LEMD3: variants seen among roughly 807,000 people sequenced by gnomAD.
The protein encoded by LEMD3 is inner nuclear membrane protein Man1.
A neutral mutation model predicts 95.2 loss-of-function variants in LEMD3; 33 were observed. The ratio of observed to expected loss-of-function variants is 0.35; its 90% CI spans 0.26 to 0.46. The LOEUF (loss-of-function observed/expected upper bound fraction) is 0.46, where lower values mean the gene tolerates loss of function less well. LEMD3 is among the 20% of genes least tolerant of loss of function. The pLI, the probability that LEMD3 is intolerant of heterozygous loss-of-function variation, is 1.00. For synonymous variants in LEMD3, 525 were observed against 474.6 expected (o/e 1.11, Z -1.38); for missense variants, 1,210 against 1,192.8 (o/e 1.01, Z -0.21).
At chr12:65,188,096 A>G (rs545914260) in intron 1 of LEMD3, among the ~76,000 whole-genome samples, 7 of 152,254 alleles carry the variant, frequency 4.6e-5, no homozygotes, top group Non-Finnish European at 8.8e-5. Context: ...GGTTTTTGAA[A>G]TCAGAGAATA....
chr12:65,175,447 TA>T (rs1868688073), intron 1 of LEMD3, among the ~76,000 whole-genome samples: 1 of 152,218 alleles, frequency 6.6e-6, no homozygotes, highest in Admixed American at 6.5e-5. Flanking sequence ...CAACCCTGTC[TA>T]GTTTAGCTTT....
chr12:65,177,442 C>A (rs191075704), intron 1 of LEMD3, among the ~76,000 whole-genome samples: 19 of 152,132 alleles, frequency 1.2e-4, no homozygotes, highest in African/African-American at 4.6e-4. Flanking sequence ...ATGATAATAT[C>A]ATTGGAGGAA....
At chr12:65,190,594 T>A (rs1186733201) in intron 1 of LEMD3, among the ~76,000 whole-genome samples, 2 of 152,146 alleles carry the variant, frequency 1.3e-5, no homozygotes, top group Non-Finnish European at 2.9e-5. Context: ...TTCCCCATCT[T>A]CCAGATCGAA....
intron 6 of LEMD3, 112 bp from the exon 7 acceptor site, chr12:65,239,817 C>A: frequency 1.4e-6 from 1 of 698,830 alleles, no homozygotes; most frequent in Non-Finnish European, 2.5e-6. Context: ...ATAGCTAATT[C>A]AGCCATCTGT....
intron 1 of LEMD3, among the ~76,000 whole-genome samples, chr12:65,193,014 T>G (rs771839341): frequency 3.9e-5 from 6 of 152,196 alleles, no homozygotes; most frequent in East Asian, 1.9e-4. Flanking sequence ...TACATGTTTT[T>G]TTTGTTTGTT....
Position 65,193,813 on chromosome 12 carries a change from C to G in LEMD3, c.1523-17113C>G, listed in dbSNP as rs151005004. Reference sequence around the variant, plus strand: ...CCTCTCCTGCCCTGCTTATACCTGACTAGCTACCTACTGTAACAAGGCACT... The same window carrying G: ...CCTCTCCTGCCCTGCTTATACCTGAGTAGCTACCTACTGTAACAAGGCACT... On this transcript the variant is annotated intron_variant, in intron 1 of 12. Coordinates refer to ENST00000308330, the MANE Select transcript of LEMD3 (RefSeq NM_014319.5). Among the ~76,000 whole-genome samples, 241 of 150,512 alleles carry G rather than the reference C, an allele frequency of 1.6e-3. 1 individual carries two copies. Among genetic ancestry groups the G allele is most frequent in the African/African-American group, 5.8e-3 (236 of 40,880 alleles).
intron 4 of LEMD3, among the ~76,000 whole-genome samples, chr12:65,220,886 G>T (rs11175685): frequency 0.021 from 3,199 of 152,188 alleles, 127 homozygotes; most frequent in African/African-American, 0.074. Flanking sequence ...ATACATCAGT[G>T]GCTTTATTTC....
chr12:65,209,899 G>A (rs878939772), intron 1 of LEMD3, among the ~76,000 whole-genome samples: 1 of 152,014 alleles, frequency 6.6e-6, no homozygotes, highest in Admixed American at 6.6e-5. Flanking sequence ...TGGTCAGTGT[G>A]AACTACTTTG....
chr12:65,220,441 G>A (rs1041440496), intron 4 of LEMD3, among the ~76,000 whole-genome samples: 6 of 151,996 alleles, frequency 3.9e-5, no homozygotes, highest in African/African-American at 1.5e-4. Flanking sequence ...TGAATTGTGG[G>A]GGTTTCTTAT....
At position 65,223,122 on chromosome 12, in the gene LEMD3, G is replaced by T. The variant is rs182450491; in HGVS notation, c.1695+4503G>T. Among the ~76,000 whole-genome samples the T allele has an allele frequency of 1.7e-3, 263 of 152,030 alleles. 1 individual carries two copies. The highest frequency in any genetic ancestry group is 3.4e-3 in the Middle Eastern group (1 of 294). Reference sequence around the variant, plus strand: ...ATGTGTATTCTACTCCTGTTGGGTGGAATTTTCTGTATATTTCTGTTAGAT... The same window carrying T: ...ATGTGTATTCTACTCCTGTTGGGTGTAATTTTCTGTATATTTCTGTTAGAT... On this transcript the variant is annotated intron_variant, in intron 4 of 12. Transcript: ENST00000308330.
chr12:65,183,282 G>C (rs990553317), intron 1 of LEMD3, among the ~76,000 whole-genome samples: 3 of 151,976 alleles, frequency 2.0e-5, no homozygotes, highest in Admixed American at 6.6e-5. Context: ...TTTGAATTAA[G>C]GCTTTAGAAT....
At chr12:65,194,206 G>T (rs1346080923) in intron 1 of LEMD3, among the ~76,000 whole-genome samples, 1 of 152,130 alleles carries the variant, frequency 6.6e-6, no homozygotes, top group Non-Finnish European at 1.5e-5. Context: ...AGTTGGCCTT[G>T]TACATACAAA....
At chr12:65,228,055 G>T (rs1870509055) in intron 4 of LEMD3, among the ~76,000 whole-genome samples, 1 of 152,120 alleles carries the variant, frequency 6.6e-6, no homozygotes, top group Admixed American at 6.5e-5. Flanking sequence ...GGACAAGATA[G>T]GACCTGACCA....
At chr12:65,226,274 T>G (rs1440376109) in intron 4 of LEMD3, among the ~76,000 whole-genome samples, 1 of 152,210 alleles carries the variant, frequency 6.6e-6, no homozygotes, top group Non-Finnish European at 1.5e-5. Flanking sequence ...TCCTCTCTAT[T>G]GCACTGCCCT....
chr12:65,232,207 G>A (rs1231458885), intron 4 of LEMD3, among the ~76,000 whole-genome samples: 1 of 152,076 alleles, frequency 6.6e-6, no homozygotes, highest in Non-Finnish European at 1.5e-5. Flanking sequence ...CATAAATATG[G>A]AGGAAACTCA....
intron 1 of LEMD3, among the ~76,000 whole-genome samples, chr12:65,185,097 C>T (rs1869020155): frequency 6.6e-6 from 1 of 152,062 alleles, no homozygotes; most frequent in Admixed American, 6.6e-5. Flanking sequence ...AGCTGGTCTA[C>T]AGGCACACAC....
intron 1 of LEMD3, among the ~76,000 whole-genome samples, chr12:65,202,596 C>T (rs1869638935): frequency 6.6e-6 from 1 of 152,136 alleles, no homozygotes; most frequent in Non-Finnish European, 1.5e-5. Context: ...TAATGCTGAA[C>T]TCATATCTAC....
chr12:65,198,403 G>A (rs1003900619), intron 1 of LEMD3, among the ~76,000 whole-genome samples: 5 of 152,116 alleles, frequency 3.3e-5, no homozygotes, highest in Admixed American at 2.6e-4. Context: ...GCAGTAGGCA[G>A]TAGCATAATT....
chr12:65,172,011 G>A (rs1868565740), intron 1 of LEMD3: 2 of 152,198 alleles, frequency 1.3e-5, no homozygotes, highest in African/African-American at 4.8e-5. Context: ...ACTATTTGAG[G>A]TGAGACCTGA....
Sources: gnomAD v4.1 joint callset for allele counts (sites outside exome capture counted in the v4.1 genomes callset) on GRCh38, gnomAD v4.1.1 for gene constraint, MANE v1.5 for transcripts, NCBI Gene and HGNC (gene_info 2026-07-23, HGNC 2026-07-21) for gene names.